Variants in KLF8 observed in about 807,000 individuals in gnomAD.
The protein encoded by KLF8 is KLF transcription factor 8.
In KLF8, 10 loss-of-function variants were observed where a neutral mutation model predicts 18.2. The observed-to-expected ratio is 0.55, with a 90% CI of 0.34 to 0.93. KLF8 has a LOEUF of 0.93. Among genes scored for constraint, KLF8 ranks in the 40% least tolerant of loss-of-function variants. The pLI is 0.02. For missense variants in KLF8, 264 were observed against 277.9 expected (o/e 0.95, Z 0.36); for synonymous variants, 109 against 97.3 (o/e 1.12, Z -0.71).
the KLF8 span, among the ~76,000 whole-genome samples, chrX:56,078,882 T>C: frequency 9.0e-6 from 1 of 111,339 alleles, no homozygotes; most frequent in Non-Finnish European, 1.9e-5. Flanking sequence ...AGAGTGTATG[T>C]GTCCAGGAAT....
the KLF8 span, among the ~76,000 whole-genome samples, chrX:56,133,838 T>G: frequency 1.8e-5 from 2 of 110,887 alleles, no homozygotes. Flanking sequence ...TAAATTAATG[T>G]ACAGAAATTA....
chrX:56,181,399 G>T, the KLF8 span, among the ~76,000 whole-genome samples: 1 of 110,932 alleles, frequency 9.0e-6, no homozygotes, highest in African/African-American at 3.3e-5. Context: ...CACACTGATC[G>T]GTCTTGACTC....
At chrX:56,185,211 G>A in the KLF8 span, among the ~76,000 whole-genome samples, 1 of 112,211 alleles carries the variant, frequency 8.9e-6, no homozygotes, top group Admixed American at 9.5e-5. Flanking sequence ...CAAGACTGGA[G>A]AACTACGTGA....
At chrX:56,169,383 AG>A in the KLF8 span, among the ~76,000 whole-genome samples, 1 of 111,228 alleles carries the variant, frequency 9.0e-6, no homozygotes, top group African/African-American at 3.3e-5. Flanking sequence ...TAGAGCGGCA[AG>A]TTTGCTCTTG....
At chrX:56,006,996 A>G in the KLF8 span, among the ~76,000 whole-genome samples, 1 of 111,993 alleles carries the variant, frequency 8.9e-6, no homozygotes. Flanking sequence ...TGGTCCCAGG[A>G]TTCATGAATG....
At chrX:56,024,547 A>G in the KLF8 span, among the ~76,000 whole-genome samples, 16 of 111,342 alleles carry the variant, frequency 1.4e-4, no homozygotes, top group African/African-American at 4.6e-4. Context: ...TCGGCAGACT[A>G]ATGTCTCAAA....
the KLF8 span, among the ~76,000 whole-genome samples, chrX:56,210,977 A>G: frequency 1.8e-5 from 2 of 110,693 alleles, no homozygotes; most frequent in Non-Finnish European, 1.9e-5. Flanking sequence ...AGTTTCCTCA[A>G]CACAGCTATT....
At chrX:56,073,350 G>C in the KLF8 span, among the ~76,000 whole-genome samples, 2 of 111,893 alleles carry the variant, frequency 1.8e-5, no homozygotes, top group Non-Finnish European at 3.8e-5. Flanking sequence ...TTTTATGGCT[G>C]AATAATATTC....
At chrX:56,161,145 A>T in the KLF8 span, among the ~76,000 whole-genome samples, 1 of 111,526 alleles carries the variant, frequency 9.0e-6, no homozygotes, top group Non-Finnish European at 1.9e-5. Flanking sequence ...TCCTTCACTT[A>T]TGAAGCTTAG....
intron 2 of KLF8, 118 bp downstream of exon 2, chrX:56,250,422 A>G: frequency 1.9e-6 from 1 of 527,983 alleles, no homozygotes; most frequent in Non-Finnish European, 3.2e-6. Context: ...GATTGAGAAG[A>G]GGTGAAGGAA....
the KLF8 span, among the ~76,000 whole-genome samples, chrX:56,164,384 T>C: frequency 1.1e-5 from 1 of 90,710 alleles, no homozygotes; most frequent in Non-Finnish European, 2.2e-5. Flanking sequence ...CAAAATCTAG[T>C]AAAATCACAG....
chrX:56,175,704 AG>A, the KLF8 span, among the ~76,000 whole-genome samples: 1 of 111,229 alleles, frequency 9.0e-6, no homozygotes, highest in African/African-American at 3.3e-5. Flanking sequence ...GGGGTGTAAA[AG>A]TCTCCCATTA....
At chrX:56,066,271 T>A in the KLF8 span, among the ~76,000 whole-genome samples, 1 of 111,917 alleles carries the variant, frequency 8.9e-6, no homozygotes, top group Non-Finnish European at 1.9e-5. Flanking sequence ...AGTGCTCAGA[T>A]GTCAAAGGTG....
the KLF8 span, among the ~76,000 whole-genome samples, chrX:56,212,311 G>T: frequency 9.2e-6 from 1 of 108,470 alleles, no homozygotes; most frequent in South Asian, 4.1e-4. Context: ...CACTCCCTTG[G>T]CTGTCCCAGC....
chrX:56,209,692 G>GT, the KLF8 span, among the ~76,000 whole-genome samples: 1 of 111,254 alleles, frequency 9.0e-6, no homozygotes, highest in Non-Finnish European at 1.9e-5. Flanking sequence ...TTTTGTTTTT[G>GT]TTTTTGTTGT....
At chrX:55,987,155 T>A in the KLF8 span, among the ~76,000 whole-genome samples, 2 of 105,856 alleles carry the variant, frequency 1.9e-5, no homozygotes, top group Non-Finnish European at 3.9e-5. Flanking sequence ...GGCTGCTGGG[T>A]CAAATGGTAG....
At chrX:56,184,664 C>A in the KLF8 span, among the ~76,000 whole-genome samples, 1 of 111,657 alleles carries the variant, frequency 9.0e-6, no homozygotes, top group African/African-American at 3.3e-5. Flanking sequence ...CCGGGTACTC[C>A]TCTGAGACAA....
At chrX:56,175,503 T>C in the KLF8 span, among the ~76,000 whole-genome samples, 2 of 111,329 alleles carry the variant, frequency 1.8e-5, no homozygotes, top group East Asian at 5.6e-4. Flanking sequence ...TGCTGAGGAG[T>C]GCTTTACTTC....
At chrX:56,050,225 G>T in the KLF8 span, among the ~76,000 whole-genome samples, 16 of 111,257 alleles carry the variant, frequency 1.4e-4, no homozygotes, top group South Asian at 1.9e-3. Context: ...CCAGCTCCTG[G>T]ATTCATTAAT....
Sources: gnomAD v4.1 joint callset for allele counts (sites outside exome capture counted in the v4.1 genomes callset) on GRCh38, gnomAD v4.1.1 for gene constraint, MANE v1.5 for transcripts, NCBI Gene and HGNC (gene_info 2026-07-23, HGNC 2026-07-21) for gene names.